UBN1: variants seen among roughly 807,000 people sequenced by gnomAD.
UBN1 encodes the protein ubinuclein-1.
In UBN1, 17 loss-of-function variants were observed where a neutral mutation model predicts 108.5. That is an observed-to-expected ratio of 0.16 (90% CI 0.11 to 0.24). The LOEUF (loss-of-function observed/expected upper bound fraction) is 0.24, where lower values mean the gene tolerates loss of function less well. Among genes scored for constraint, UBN1 ranks in the 10% least tolerant of loss-of-function variants. UBN1 has a pLI of 1.00. For synonymous variants in UBN1, 726 were observed against 564.2 expected, an observed-to-expected ratio of 1.29 and a Z score of -4.07; for missense variants, 1,595 against 1,394.4, an observed-to-expected ratio of 1.14 and a Z score of -2.29.
intron 4 of UBN1, 71 bp downstream of exon 4, chr16:4,858,734 C>T: frequency 1.3e-6 from 2 of 1,488,630 alleles, no homozygotes; most frequent in Non-Finnish European, 9.4e-7. Flanking sequence ...GACCAGGAAG[C>T]TGGGGGTGGG....
chr16:4,858,107 C>T (rs1190200684), intron 3 of UBN1, 31 bp downstream of exon 3: 7 of 1,467,812 alleles, frequency 4.8e-6, no homozygotes, highest in East Asian at 2.3e-5. Flanking sequence ...AACAAAACAA[C>T]CTCATTGGGT....
chr16:4,875,524 T>A, intron 15 of UBN1, 90 bp downstream of exon 15: 689 of 1,310,018 alleles, frequency 5.3e-4, no homozygotes, highest in Non-Finnish European at 6.7e-4. Context: ...GAGAGTGAGA[T>A]CTAAAACCAC....
intron 2 of UBN1, among the ~76,000 whole-genome samples, chr16:4,856,034 C>T (rs896238755): frequency 1.3e-5 from 2 of 152,212 alleles, no homozygotes; most frequent in Non-Finnish European, 2.9e-5. Flanking sequence ...GTTGCATGAG[C>T]ACCACTGGGC....
In UBN1 at chr16:4,882,174, G is replaced by T. The variant is rs1449180054; in HGVS notation, c.*2042G>T. On this transcript the variant is annotated 3_prime_UTR_variant, in exon 18 of 18. Coordinates refer to ENST00000262376, the MANE Select transcript of UBN1 (RefSeq NM_001079514.3). Reference sequence around the variant, plus strand: ...CAGAGGGTGGGGCAGAGCAGCCTCGGGGTCTGGGGGCTGCAGGGGTTTCCC... The same window carrying T: ...CAGAGGGTGGGGCAGAGCAGCCTCGTGGTCTGGGGGCTGCAGGGGTTTCCC... 1 of 152,630 alleles carries T rather than the reference G, an allele frequency of 6.6e-6. No individual in the cohort carries two copies. The highest frequency in any genetic ancestry group is 1.5e-5 in the Non-Finnish European group (1 of 68,056). The allele number at this position is 152,630 out of a possible 1,614,324, so 9.5% of individuals were successfully genotyped here.
rs545196941 is a variant in UBN1 at position 4,852,991 on chromosome 16, G to A, written c.74G>A (p.Arg25Gln). The A allele has an allele frequency of 6.8e-6, 11 of 1,614,176 alleles. No individual in the cohort carries two copies. The highest frequency in any genetic ancestry group is 6.7e-5 in the Admixed American group (4 of 60,018). Residue 25 changes from arginine to glutamine, a missense_variant, in exon 2 of 18, where the codon CGG becomes CAG. Physicochemically the swap from Arg to Gln is conservative, Grantham distance 43. This residue lies in a region of UBN1 where 181 missense variants were observed against 157.3 expected (regional missense o/e 1.15). Coordinates refer to ENST00000262376, the MANE Select transcript of UBN1 (RefSeq NM_001079514.3). ...AATCCTGCGTTTTTGAAGAAGTCCC[G>A]GAAGGAGGAGGCTGGGGCAGGAGAA... ...SLNPAFLKKS[R>Q]KEEAGAGEQH...
chr16:4,853,409 G>A (rs1289928603), intron 2 of UBN1, among the ~76,000 whole-genome samples: 1 of 152,070 alleles, frequency 6.6e-6, no homozygotes, highest in African/African-American at 2.4e-5. Flanking sequence ...CTCTGCCAAG[G>A]TTATAAACGT....
chr16:4,872,657 C>T (rs1382349795), intron 12 of UBN1, among the ~76,000 whole-genome samples: 7 of 152,072 alleles, frequency 4.6e-5, no homozygotes, highest in Admixed American at 6.6e-5. Flanking sequence ...TTAGTAGAGA[C>T]GGGGTTTCAC....
chr16:4,880,342 C>T lies in UBN1; in HGVS notation c.*210C>T. 1.8e-6 allele frequency: 1 copy of T among 569,076 alleles called. No individual in the cohort carries two copies. The highest frequency in any genetic ancestry group is 3.2e-6 in the Non-Finnish European group (1 of 316,844). The allele number at this position is 569,076 out of a possible 1,614,324, so 35.3% of individuals were successfully genotyped here. A position where few individuals can be genotyped will look rare whatever the true frequency, so the allele number is the denominator to read the frequency against. ...CTCAGGAGGTGCAGACTGCCCCGTGCTCTGGGCCTTGCAGCTCTGTCGCTA... is the reference window on the plus strand; with the variant it reads ...CTCAGGAGGTGCAGACTGCCCCGTGTTCTGGGCCTTGCAGCTCTGTCGCTA... On this transcript the variant is annotated 3_prime_UTR_variant, in exon 18 of 18. Coordinates refer to ENST00000262376, the MANE Select transcript of UBN1 (RefSeq NM_001079514.3).
chr16:4,850,261 T>G (rs574283748), intron 1 of UBN1, among the ~76,000 whole-genome samples: 1 of 152,280 alleles, frequency 6.6e-6, no homozygotes, highest in Admixed American at 6.5e-5. Context: ...ATTTTTTACC[T>G]TCTTGGGCCT....
chr16:4,869,935 G>C (rs1234382253), intron 8 of UBN1, among the ~76,000 whole-genome samples: 2 of 152,140 alleles, frequency 1.3e-5, no homozygotes, highest in African/African-American at 4.8e-5. Flanking sequence ...ATGAAATTTA[G>C]TGCTTCAGAG....
rs201027990 is a variant in UBN1 at position 4,874,777 on chromosome 16, G to A, written c.2367G>A (p.Thr789=). Reference sequence around the variant, plus strand: ...CTAAGCACCACAGCTTGCCACGGACGTCTCACGGGCCCCAAGTGGCAGTTC... The same window carrying A: ...CTAAGCACCACAGCTTGCCACGGACATCTCACGGGCCCCAAGTGGCAGTTC... ...SKAKHHSLPR[T]SHGPQVAVPV... Residue 789 remains threonine, a synonymous_variant, in exon 15 of 18, where the codon ACG becomes ACA. Transcript: ENST00000262376. 21 of 1,614,070 alleles carry A rather than the reference G, an allele frequency of 1.3e-5. No homozygotes were observed. The highest frequency in any genetic ancestry group is 1.6e-4 in the Middle Eastern group (1 of 6,062).
intron 7 of UBN1, among the ~76,000 whole-genome samples, chr16:4,866,513 AT>A (rs760834525): frequency 2.0e-4 from 31 of 152,086 alleles, no homozygotes; most frequent in Non-Finnish European, 4.4e-4. Context: ...TCTATATTTT[AT>A]TTTATTATTA....
intron 1 of UBN1, among the ~76,000 whole-genome samples, chr16:4,850,487 A>G (rs2086506581): frequency 6.6e-6 from 1 of 152,080 alleles, no homozygotes; most frequent in Non-Finnish European, 1.5e-5. Context: ...TCAGTGGGGG[A>G]ATCTGTAAGC....
chr16:4,851,276 G>T (rs530851409), intron 1 of UBN1, among the ~76,000 whole-genome samples: 316 of 152,226 alleles, frequency 2.1e-3, no homozygotes, highest in African/African-American at 6.5e-3. Flanking sequence ...ACCAGTCTGG[G>T]CAACATGGCA....
At chr16:4,852,653 A>G (rs919840999) in intron 1 of UBN1, 21 of 348,784 alleles carry the variant, frequency 6.0e-5, no homozygotes, top group African/African-American at 3.8e-4. Flanking sequence ...GATCTAGGAT[A>G]CACATGCACA....
At chr16:4,853,848 C>T (rs777747966) in intron 2 of UBN1, among the ~76,000 whole-genome samples, 53 of 152,112 alleles carry the variant, frequency 3.5e-4, no homozygotes, top group Non-Finnish European at 7.4e-5. Context: ...AAACATGAGC[C>T]ACTGCACCTA....
At position 4,877,329 on chromosome 16, in the gene UBN1, G is replaced by C. The variant is rs2142293584; in HGVS notation, c.3266-56G>C. Reference sequence around the variant, plus strand: ...TTTTGGCTGCTGGAGCTGCTTTCCTGTTCCTGTCTTCAATGTGTGTGTTTT... The same window carrying C: ...TTTTGGCTGCTGGAGCTGCTTTCCTCTTCCTGTCTTCAATGTGTGTGTTTT... On this transcript the variant is annotated intron_variant, in intron 16 of 17. Transcript: ENST00000262376. The surrounding 1 kb of genome is among the most constrained non-coding windows in gnomAD (Gnocchi z 4.3). 1 of 1,572,732 alleles carries C rather than the reference G, an allele frequency of 6.4e-7. No homozygotes were observed. The highest frequency in any genetic ancestry group is 8.7e-7 in the Non-Finnish European group (1 of 1,155,116).
intron 7 of UBN1, among the ~76,000 whole-genome samples, chr16:4,864,154 C>G (rs938667289): frequency 7.1e-6 from 1 of 141,402 alleles, no homozygotes; most frequent in Non-Finnish European, 1.5e-5. Context: ...AATCTCAGCT[C>G]ACTGCAACAT....
rs771787816 is a variant in UBN1, at chr16:4,874,753, T to C, written c.2343T>C (p.Ala781=). ...KGLPEVHQSK[A]KHHSLPRTSH... ...TGCCAGAAGTACATCAGTCCAAAGC[T>C]AAGCACCACAGCTTGCCACGGACGT... The change falls in exon 15 of 18, where the codon GCT becomes GCC. Residue 781 remains alanine (A), a synonymous_variant. Coordinates refer to ENST00000262376, the MANE Select transcript of UBN1 (RefSeq NM_001079514.3). 3.7e-6 allele frequency: 6 copies of C among 1,613,960 alleles called. No individual in the cohort carries two copies. The highest frequency in any genetic ancestry group is 2.2e-5 in the East Asian group (1 of 44,884).
Sources: gnomAD v4.1 joint callset for allele counts (sites outside exome capture counted in the v4.1 genomes callset) on GRCh38, gnomAD v4.1.1 for gene constraint, gnomAD v4.1.1 regional missense constraint, Gnocchi (gnomAD v3.1) non-coding constraint, MANE v1.5 for transcripts, NCBI Gene and HGNC (gene_info 2026-07-23, HGNC 2026-07-21) for gene names.